The following ME1 variants were observed in gnomAD, a reference collection of about 807,000 sequenced individuals.
ME1 encodes NADP-dependent malic enzyme.
Under a neutral mutation model 66.4 loss-of-function variants are expected in ME1, and 74 were observed. The observed-to-expected ratio is 1.11, with a 90% CI of 0.92 to 1.35. The LOEUF is 1.35. ME1 is among the 40% of genes most tolerant of loss of function. ME1 has a pLI of 0.00. For missense variants in ME1, 750 were observed against 694.1 expected (o/e 1.08, Z -0.90); for synonymous variants, 251 against 235.6 (o/e 1.07, Z -0.60).
At chr6:83,393,194 G>C (rs1244418258) in intron 3 of ME1, 1 of 1,213,706 alleles carries the variant, frequency 8.2e-7, no homozygotes, top group East Asian at 2.3e-5. Flanking sequence ...TGGTGAAGCA[G>C]GCGTCAGAGG....
At chr6:83,396,704 T>C (rs915055696) in intron 3 of ME1, among the ~76,000 whole-genome samples, 3 of 152,124 alleles carry the variant, frequency 2.0e-5, no homozygotes, top group Admixed American at 6.5e-5. Context: ...AGAGGTATCA[T>C]ACTACCTGAT....
At chr6:83,261,049 A>G (rs1180002838) in intron 6 of ME1, among the ~76,000 whole-genome samples, 4 of 152,170 alleles carry the variant, frequency 2.6e-5, no homozygotes, top group Non-Finnish European at 5.9e-5. Flanking sequence ...TGCTTCCACA[A>G]TGGCTGAACT....
chr6:83,278,922 G>A (rs1273795920), intron 6 of ME1, among the ~76,000 whole-genome samples: 1 of 152,098 alleles, frequency 6.6e-6, no homozygotes, highest in African/African-American at 2.4e-5. Context: ...GCTTTCAAAT[G>A]GAGGAAAGAA....
At chr6:83,319,833 G>T (rs1768118164) in intron 5 of ME1, among the ~76,000 whole-genome samples, 1 of 152,140 alleles carries the variant, frequency 6.6e-6, no homozygotes, top group African/African-American at 2.4e-5. Context: ...ACCATTTAGA[G>T]CCATATGATT....
intron 2 of ME1, 65 bp from the exon 3 acceptor site, chr6:83,398,581 T>C: frequency 2.5e-6 from 2 of 805,808 alleles, no homozygotes; most frequent in Non-Finnish European, 3.9e-6. Flanking sequence ...CTTAGAAATC[T>C]AATTAAATAT....
intron 12 of ME1, among the ~76,000 whole-genome samples, 177 bp from the exon 13 acceptor site, chr6:83,216,773 G>A (rs982747166): frequency 3.3e-5 from 5 of 152,172 alleles, no homozygotes; most frequent in African/African-American, 1.2e-4. Context: ...CCAGAGTGGT[G>A]TGGTGGTGGT....
At chr6:83,314,676 T>C (rs1243243840) in intron 6 of ME1, among the ~76,000 whole-genome samples, 1 of 151,506 alleles carries the variant, frequency 6.6e-6, no homozygotes, top group East Asian at 2.0e-4. Context: ...ATTATATATA[T>C]ATGCAAATAT....
chr6:83,287,921 T>C (rs995899018), intron 6 of ME1, among the ~76,000 whole-genome samples: 2 of 152,244 alleles, frequency 1.3e-5, no homozygotes, highest in Non-Finnish European at 1.5e-5. Flanking sequence ...TGAGCATTTT[T>C]TCATATGTCT....
chr6:83,265,400 A>T (rs1399074777), intron 6 of ME1, among the ~76,000 whole-genome samples: 1 of 151,962 alleles, frequency 6.6e-6, no homozygotes, highest in Admixed American at 6.6e-5. Flanking sequence ...AGGGTCAAGT[A>T]ATTTTCCCAT....
At chr6:83,420,069 T>TC (rs1198866463) in intron 1 of ME1, among the ~76,000 whole-genome samples, 3 of 152,060 alleles carry the variant, frequency 2.0e-5, no homozygotes, top group Admixed American at 6.5e-5. Context: ...GTAGGTGGTA[T>TC]CTTTTTTTTT....
intron 3 of ME1, among the ~76,000 whole-genome samples, chr6:83,380,681 G>A (rs937451404): frequency 1.2e-4 from 19 of 152,074 alleles, no homozygotes; most frequent in African/African-American, 4.3e-4. Flanking sequence ...GGGAGCCTGG[G>A]ATGTTAGGCT....
At position 83,223,763 on chromosome 6, in the gene ME1, A is replaced by G. The variant is rs540129291; in HGVS notation, c.1446T>C (p.Ala482=). ...QITDNIFLTT[A]EVIAQQVSDK... ...AACTTAGAGGATTTTACAATACCTC[A>G]GCAGTAGTGAGGAAAATATTATCTG... is the stretch of plus-strand genomic sequence containing the variant. Residue 482 remains alanine, a synonymous_variant, in exon 12 of 14, where the codon GCT becomes GCC. Transcript: ENST00000369705. 2 of 1,613,650 alleles carry G rather than the reference A, an allele frequency of 1.2e-6. No homozygotes were observed. The highest frequency in any genetic ancestry group is 1.3e-5 in the African/African-American group (1 of 75,042).
At chr6:83,361,756 T>G (rs932013208) in intron 3 of ME1, among the ~76,000 whole-genome samples, 7 of 152,218 alleles carry the variant, frequency 4.6e-5, no homozygotes, top group African/African-American at 1.4e-4. Flanking sequence ...TGACCTGAAC[T>G]GCCTGTCATG....
chr6:83,362,325 A>G (rs1410736504), intron 3 of ME1, among the ~76,000 whole-genome samples: 1 of 152,204 alleles, frequency 6.6e-6, no homozygotes, highest in Non-Finnish European at 1.5e-5. Context: ...CCGGTCAAAA[A>G]CTGTGAAGAT....
intron 6 of ME1, among the ~76,000 whole-genome samples, chr6:83,275,456 G>A (rs1351790490): frequency 2.7e-5 from 4 of 146,208 alleles, no homozygotes; most frequent in Admixed American, 2.0e-4. Context: ...AGGTAAAATA[G>A]TTTTGATCTT....
intron 2 of ME1, among the ~76,000 whole-genome samples, chr6:83,401,759 G>A (rs1434469276): frequency 6.6e-6 from 1 of 152,162 alleles, no homozygotes; most frequent in African/African-American, 2.4e-5. Flanking sequence ...AGGCCAACCT[G>A]GCTATTATAG....
chr6:83,274,401 T>C (rs1017057524), intron 6 of ME1, among the ~76,000 whole-genome samples: 2 of 152,182 alleles, frequency 1.3e-5, no homozygotes. Context: ...GATTTGATCT[T>C]TTGGTAGTAA....
intron 9 of ME1, 78 bp from the exon 10 acceptor site, chr6:83,229,009 A>G: frequency 1.1e-6 from 1 of 874,710 alleles, no homozygotes; most frequent in South Asian, 1.5e-5. Flanking sequence ...ATATATTACA[A>G]ATATTTATGC....
chr6:83,289,147 C>T (rs1767452312), intron 6 of ME1, among the ~76,000 whole-genome samples: 1 of 152,220 alleles, frequency 6.6e-6, no homozygotes, highest in Admixed American at 6.5e-5. Flanking sequence ...TTATTGCTTT[C>T]TCTTGCTTGA....
Sources: allele counts gnomAD v4.1 joint callset (sites outside exome capture counted in the v4.1 genomes callset), GRCh38; gene constraint gnomAD v4.1.1; transcripts MANE v1.5; gene names NCBI Gene and HGNC (gene_info 2026-07-23, HGNC 2026-07-21).